Variants in NEDD9 observed in about 807,000 individuals in gnomAD.
The protein encoded by NEDD9 is neural precursor cell expressed, developmentally down-regulated 9.
A neutral mutation model predicts 76.6 loss-of-function variants in NEDD9; 26 were observed. The ratio of observed to expected loss-of-function variants is 0.34; its 90% CI spans 0.25 to 0.47. The LOEUF (loss-of-function observed/expected upper bound fraction) is 0.47, where lower values mean the gene tolerates loss of function less well. Ranked by LOEUF, NEDD9 falls within the 20% of genes least tolerant of loss-of-function variation. The pLI, the probability that NEDD9 is intolerant of heterozygous loss-of-function variation, is 1.00. For synonymous variants in NEDD9, 392 were observed against 414.2 expected, an observed-to-expected ratio of 0.95 and a Z score of 0.65; for missense variants, 937 against 1,058.5, an observed-to-expected ratio of 0.89 and a Z score of 1.59.
At chr6:11,202,894 C>T (rs1758494063) in intron 2 of NEDD9, among the ~76,000 whole-genome samples, 1 of 152,162 alleles carries the variant, frequency 6.6e-6, no homozygotes, top group African/African-American at 2.4e-5. Flanking sequence ...GCTTCTTTCC[C>T]CAGTGAGGAA....
At chr6:11,265,296 A>T (rs1760182060) in intron 3 of NEDD9, among the ~76,000 whole-genome samples, 2 of 152,230 alleles carry the variant, frequency 1.3e-5, no homozygotes, top group Non-Finnish European at 2.9e-5. Context: ...AGATAAGTGG[A>T]AAAACGCTCA....
intron 1 of NEDD9, among the ~76,000 whole-genome samples, chr6:11,334,807 T>C (rs988907565): frequency 6.6e-6 from 1 of 152,220 alleles, no homozygotes; most frequent in Non-Finnish European, 1.5e-5. Context: ...AAGTTCAAAA[T>C]GAGTTGTAAA....
intron 1 of NEDD9, among the ~76,000 whole-genome samples, chr6:11,344,534 T>C (rs1052199499): frequency 6.6e-6 from 1 of 152,208 alleles, no homozygotes; most frequent in East Asian, 1.9e-4. Context: ...AAGATTCCAA[T>C]CTACAAAGTC....
intron 3 of NEDD9, among the ~76,000 whole-genome samples, chr6:11,300,188 C>T (rs1582008275): frequency 6.6e-6 from 1 of 152,268 alleles, no homozygotes; most frequent in East Asian, 1.9e-4. Flanking sequence ...GAGCTGAAAA[C>T]CACGGCATGA....
At chr6:11,238,851 A>G (rs1209430202) in intron 3 of NEDD9, among the ~76,000 whole-genome samples, 1 of 152,132 alleles carries the variant, frequency 6.6e-6, no homozygotes, top group Admixed American at 6.5e-5. Flanking sequence ...GAGGCTATGG[A>G]ATCTACCCGT....
chr6:11,372,855 T>C (rs1762901605), intron 1 of NEDD9, among the ~76,000 whole-genome samples: 1 of 152,214 alleles, frequency 6.6e-6, no homozygotes, highest in East Asian at 1.9e-4. Flanking sequence ...AACCCTCCTC[T>C]GCCCATGGCC....
At chr6:11,260,119 A>C (rs1760079478) in intron 3 of NEDD9, among the ~76,000 whole-genome samples, 1 of 152,354 alleles carries the variant, frequency 6.6e-6, no homozygotes, top group East Asian at 1.9e-4. Context: ...ACTGGTAGTC[A>C]CTTACATTAT....
At chr6:11,330,412 A>G (rs181181458) in intron 2 of NEDD9, among the ~76,000 whole-genome samples, 71 of 152,326 alleles carry the variant, frequency 4.7e-4, no homozygotes, top group African/African-American at 1.6e-3. Flanking sequence ...TAAGAGGCCT[A>G]GGGTAAAAAA....
chr6:11,343,590 C>G (rs1762314038), intron 1 of NEDD9, among the ~76,000 whole-genome samples: 1 of 152,160 alleles, frequency 6.6e-6, no homozygotes, highest in Non-Finnish European at 1.5e-5. Flanking sequence ...TCCATTTGGG[C>G]AAGAACTTTT....
intron 1 of NEDD9, among the ~76,000 whole-genome samples, chr6:11,377,444 G>C (rs1762987125): frequency 6.6e-6 from 1 of 152,238 alleles, no homozygotes. Flanking sequence ...GTAGGACTTG[G>C]AGTCAAAGGA....
chr6:11,289,320 C>T (rs1002665328), intron 3 of NEDD9, among the ~76,000 whole-genome samples: 3 of 152,140 alleles, frequency 2.0e-5, no homozygotes, highest in African/African-American at 7.2e-5. Context: ...GAAAAGGCAG[C>T]TAAATTAAGT....
chr6:11,221,969 G>C (rs1395710277), intron 1 of NEDD9, among the ~76,000 whole-genome samples: 2 of 152,200 alleles, frequency 1.3e-5, no homozygotes, highest in Middle Eastern at 3.4e-3. Flanking sequence ...CTAACATCCA[G>C]GTACTCAGGG....
chr6:11,262,819 T>C (rs1403320332), intron 3 of NEDD9, among the ~76,000 whole-genome samples: 1 of 152,266 alleles, frequency 6.6e-6, no homozygotes, highest in Non-Finnish European at 1.5e-5. Context: ...AATTATGACA[T>C]CTGCTTAATG....
chr6:11,272,786 ATTTC>A (rs1561812594), intron 3 of NEDD9, among the ~76,000 whole-genome samples: 1 of 152,130 alleles, frequency 6.6e-6, no homozygotes, highest in Non-Finnish European at 1.5e-5. Flanking sequence ...TGGAAGCATC[ATTTC>A]TTTGTTTTCG....
At chr6:11,226,007 T>G (rs559762044) in intron 1 of NEDD9, among the ~76,000 whole-genome samples, 4 of 152,276 alleles carry the variant, frequency 2.6e-5, no homozygotes, top group African/African-American at 9.6e-5. Context: ...CAAATTCACC[T>G]AGATCTCATT....
At position 11,356,059 on chromosome 6, in the gene NEDD9, T is replaced by C. The variant is rs367984382; in HGVS notation, c.-213-21498A>G. 1.7e-3 allele frequency among the ~76,000 whole-genome samples: 253 copies of C among 152,314 alleles called. 1 individual carries two copies. The highest frequency in any genetic ancestry group is 5.9e-3 in the African/African-American group (245 of 41,572). On this transcript the variant is annotated intron_variant, in intron 1 of 3. Transcript: ENST00000397378. ...TTTTACTAAGAGCTGCAACAGCCAC[T>C]GCAGAAAGGAAAGTATGAAGCAACC...
chr6:11,265,706 A>G (rs1402445724), intron 3 of NEDD9, among the ~76,000 whole-genome samples: 1 of 152,218 alleles, frequency 6.6e-6, no homozygotes, highest in Non-Finnish European at 1.5e-5. Flanking sequence ...GTGTTTATTA[A>G]ATAATGCCCT....
rs1762863291 is a variant in NEDD9, at chr6:11,370,933, G to A, written c.-214+11206C>T. Among the ~76,000 whole-genome samples the A allele has an allele frequency of 6.6e-6, 1 of 152,126 alleles. No individual in the cohort carries two copies. Among genetic ancestry groups the A allele is most frequent in the African/African-American group, 2.4e-5 (1 of 41,414 alleles). On this transcript the variant is annotated intron_variant, in intron 1 of 3. Coordinates refer to the NEDD9 transcript ENST00000397378. The surrounding 1 kb of genome is among the most constrained non-coding windows in gnomAD (Gnocchi z 4.2). Reference sequence around the variant, plus strand: ...CATTTTGCATGGCATGTGAGGGAGGGCTGGCGGATTGGGTGACTTGTGGCC... The same window carrying A: ...CATTTTGCATGGCATGTGAGGGAGGACTGGCGGATTGGGTGACTTGTGGCC...
intron 1 of NEDD9, among the ~76,000 whole-genome samples, chr6:11,374,846 G>T (rs939948900): frequency 2.0e-5 from 3 of 152,172 alleles, no homozygotes; most frequent in African/African-American, 7.2e-5. Flanking sequence ...GCCTTAATTT[G>T]CCCACAATCA....
Sources: gnomAD v4.1 joint callset for allele counts (sites outside exome capture counted in the v4.1 genomes callset) on GRCh38, gnomAD v4.1.1 for gene constraint, Gnocchi (gnomAD v3.1) non-coding constraint, MANE v1.5 for transcripts, NCBI Gene and HGNC (gene_info 2026-07-23, HGNC 2026-07-21) for gene names.